Variants in PABPC4L observed in about 807,000 individuals in gnomAD.
PABPC4L encodes the protein polyadenylate-binding protein 4-like.
For missense variants in PABPC4L, 452 were observed against 451.4 expected (o/e 1.00, Z -0.01); for synonymous variants, 169 against 164.1 (o/e 1.03, Z -0.23).
At chr4:133,994,996 AAGTCCAGTC>A in the PABPC4L span, among the ~76,000 whole-genome samples, 1 of 152,054 alleles carries the variant, frequency 6.6e-6, no homozygotes, top group South Asian at 2.1e-4. Context: ...GGAGCAGAGT[AAGTCCAGTC>A]ATGCACTCCC....
At chr4:134,130,063 TAAAAAAAA>T in the PABPC4L span, among the ~76,000 whole-genome samples, 1 of 111,012 alleles carries the variant, frequency 9.0e-6, no homozygotes, top group Non-Finnish European at 1.9e-5. Context: ...AGACTCTGTT[TAAAAAAAA>T]AAAAAAAAAA....
At chr4:134,004,181 G>A in the PABPC4L span, among the ~76,000 whole-genome samples, 1 of 151,542 alleles carries the variant, frequency 6.6e-6, no homozygotes, top group Non-Finnish European at 1.5e-5. Flanking sequence ...CAGCAAAGGA[G>A]AAAATCAACA....
chr4:134,179,798 T>A, the PABPC4L span, among the ~76,000 whole-genome samples: 1 of 152,062 alleles, frequency 6.6e-6, no homozygotes, highest in Non-Finnish European at 1.5e-5. Flanking sequence ...AAAAATGCAT[T>A]ACCTAATGGT....
the PABPC4L span, among the ~76,000 whole-genome samples, chr4:133,956,586 T>C: frequency 3.3e-5 from 5 of 152,172 alleles, no homozygotes; most frequent in Admixed American, 3.3e-4. Context: ...AAAACCCTCA[T>C]GTGAGGGGTG....
chr4:133,962,342 G>A, the PABPC4L span, among the ~76,000 whole-genome samples: 8 of 152,126 alleles, frequency 5.3e-5, no homozygotes, highest in Admixed American at 1.3e-4. Flanking sequence ...TCAGGGAGAC[G>A]CCAGAGAAAG....
At chr4:134,034,344 CA>C in the PABPC4L span, among the ~76,000 whole-genome samples, 2 of 151,814 alleles carry the variant, frequency 1.3e-5, no homozygotes, top group African/African-American at 4.8e-5. Flanking sequence ...CCGAGATGTA[CA>C]AGGAAATAAA....
the PABPC4L span, among the ~76,000 whole-genome samples, chr4:134,154,133 C>T: frequency 2.0e-5 from 3 of 152,088 alleles, no homozygotes; most frequent in East Asian, 1.9e-4. Context: ...TTATAGGAAA[C>T]ATTGACTCCA....
At chr4:134,050,524 GC>G in the PABPC4L span, among the ~76,000 whole-genome samples, 1 of 151,934 alleles carries the variant, frequency 6.6e-6, no homozygotes, top group Admixed American at 6.6e-5. Context: ...GGCCAACAGG[GC>G]GAAACTCCTT....
the PABPC4L span, among the ~76,000 whole-genome samples, chr4:134,121,421 C>A: frequency 6.6e-6 from 1 of 151,576 alleles, no homozygotes; most frequent in African/African-American, 2.4e-5. Flanking sequence ...AGAAGAGATA[C>A]AATTTTTAAT....
At chr4:133,990,732 C>T in the PABPC4L span, among the ~76,000 whole-genome samples, 2 of 152,040 alleles carry the variant, frequency 1.3e-5, no homozygotes, top group Non-Finnish European at 2.9e-5. Flanking sequence ...TTAACATTGC[C>T]GACCCCCCCA....
At chr4:134,039,210 T>C in the PABPC4L span, among the ~76,000 whole-genome samples, 1 of 152,276 alleles carries the variant, frequency 6.6e-6, no homozygotes, top group South Asian at 2.1e-4. Context: ...ATTTCCATTC[T>C]TTTGCATTTT....
the PABPC4L span, among the ~76,000 whole-genome samples, chr4:134,180,754 CTG>C: frequency 6.6e-6 from 1 of 151,810 alleles, no homozygotes; most frequent in Non-Finnish European, 1.5e-5. Context: ...ATAAAAACCT[CTG>C]TGTACACAAG....
the PABPC4L span, among the ~76,000 whole-genome samples, chr4:134,004,786 A>C: frequency 6.6e-6 from 1 of 151,956 alleles, no homozygotes; most frequent in East Asian, 1.9e-4. Flanking sequence ...AGATTTTAAA[A>C]AGAAGGAAAT....
chr4:134,127,947 A>C, the PABPC4L span, among the ~76,000 whole-genome samples: 1 of 152,118 alleles, frequency 6.6e-6, no homozygotes, highest in Non-Finnish European at 1.5e-5. Flanking sequence ...CAATGAAATA[A>C]ATAGCATGAA....
the PABPC4L span, among the ~76,000 whole-genome samples, chr4:134,004,245 A>G: frequency 6.6e-6 from 1 of 151,828 alleles, no homozygotes; most frequent in South Asian, 2.1e-4. Context: ...CCATATGTCT[A>G]ATGAGGAGTT....
chr4:134,179,853 A>G, the PABPC4L span, among the ~76,000 whole-genome samples: 1 of 152,240 alleles, frequency 6.6e-6, no homozygotes, highest in African/African-American at 2.4e-5. Flanking sequence ...CTGCACATAT[A>G]CACACCTAAC....
chr4:134,080,126 T>A, the PABPC4L span, among the ~76,000 whole-genome samples: 1 of 152,164 alleles, frequency 6.6e-6, no homozygotes, highest in East Asian at 1.9e-4. Flanking sequence ...TGTGGTTTAA[T>A]CTAGTATTTC....
the PABPC4L span, among the ~76,000 whole-genome samples, chr4:134,002,315 C>G: frequency 6.6e-6 from 1 of 151,508 alleles, no homozygotes; most frequent in African/African-American, 2.4e-5. Context: ...TTCATTATAT[C>G]CTTATTTAAA....
the PABPC4L span, among the ~76,000 whole-genome samples, chr4:134,109,627 TA>T: frequency 1.3e-5 from 2 of 151,862 alleles, no homozygotes; most frequent in Non-Finnish European, 1.5e-5. Context: ...CTCCCACTGA[TA>T]AAAAAATTAA....
Sources: allele counts gnomAD v4.1 joint callset (sites outside exome capture counted in the v4.1 genomes callset), GRCh38; gene constraint gnomAD v4.1.1; transcripts MANE v1.5; gene names NCBI Gene and HGNC (gene_info 2026-07-23, HGNC 2026-07-21).